FHOD3: variants seen among roughly 807,000 people sequenced by gnomAD.
FHOD3 encodes FH1/FH2 domain-containing protein 3.
FHOD3 carries 90 observed loss-of-function variants against 173.0 expected under a neutral mutation model. The ratio of observed to expected loss-of-function variants is 0.52; its 90% CI spans 0.44 to 0.62. The LOEUF is 0.62. Among genes scored for constraint, FHOD3 ranks in the 20% least tolerant of loss-of-function variants. FHOD3 has a pLI of 0.00. For missense variants in FHOD3, 1,945 were observed against 2,034.7 expected (o/e 0.96, Z 0.85); for synonymous variants, 828 against 823.0 (o/e 1.01, Z -0.10).
At chr18:36,501,262 C>T (rs191042035) in intron 3 of FHOD3, among the ~76,000 whole-genome samples, 310 of 152,310 alleles carry the variant, frequency 2.0e-3, no homozygotes, top group Admixed American at 5.6e-3. Flanking sequence ...AGTGAGAAAA[C>T]AGGCCCAGGC....
intron 1 of FHOD3, among the ~76,000 whole-genome samples, chr18:36,340,358 G>A (rs543156947): frequency 2.8e-4 from 43 of 152,276 alleles, no homozygotes; most frequent in African/African-American, 7.5e-4. Context: ...CTTGGGACCC[G>A]CTGTGTGCTC....
In FHOD3 at chr18:36,625,740, T is replaced by G. The variant is rs772327566; in HGVS notation, c.1187T>G (p.Leu396Arg). The G allele has an allele frequency of 9.3e-6, 15 of 1,607,002 alleles. No homozygotes were observed. Among genetic ancestry groups the G allele is most frequent in the Non-Finnish European group, 1.2e-5 (14 of 1,175,750 alleles). Residue 396 changes from leucine to arginine, a missense_variant, in exon 10 of 29, where the codon CTG becomes CGG. Leu to Arg is a moderately radical substitution (Grantham distance 102). This residue lies in a region of FHOD3 where 1,099 missense variants were observed against 1,051.2 expected (regional missense o/e 1.05). Coordinates refer to ENST00000590592, the MANE Select transcript of FHOD3 (RefSeq NM_001281740.3). ...TTCAAGCCCAACCAAGTGCGAGATC[T>G]GCGTGAAAAGTAAGCATTAACTTGG... is the stretch of plus-strand genomic sequence containing the variant. Reference protein sequence around the residue: ...PSFKPNQVRDLREKEEEEEEE... With the variant: ...PSFKPNQVRDRREKEEEEEEE...
chr18:36,546,864 T>G (rs2057429975), intron 5 of FHOD3, among the ~76,000 whole-genome samples: 1 of 152,214 alleles, frequency 6.6e-6, no homozygotes, highest in Non-Finnish European at 1.5e-5. Flanking sequence ...GTCTCCTATG[T>G]TGACTCCCTC....
At chr18:36,303,363 G>A (rs2092005424) in intron 1 of FHOD3, among the ~76,000 whole-genome samples, 1 of 152,118 alleles carries the variant, frequency 6.6e-6, no homozygotes, top group Non-Finnish European at 1.5e-5. Flanking sequence ...ATGGGGGTGG[G>A]GTAGGGTTGA....
At chr18:36,673,198 T>C (rs2037644016) in intron 14 of FHOD3, among the ~76,000 whole-genome samples, 1 of 152,156 alleles carries the variant, frequency 6.6e-6, no homozygotes, top group African/African-American at 2.4e-5. Flanking sequence ...CTACCTAAGA[T>C]GGAGATTGGG....
chr18:36,557,692 A>G (rs1466500814), intron 5 of FHOD3, among the ~76,000 whole-genome samples: 2 of 152,116 alleles, frequency 1.3e-5, no homozygotes, highest in African/African-American at 2.4e-5. Context: ...TACTTATTGC[A>G]TGCTGATATT....
At chr18:36,768,084 T>C (rs1373706332) in intron 27 of FHOD3, among the ~76,000 whole-genome samples, 4 of 152,344 alleles carry the variant, frequency 2.6e-5, no homozygotes, top group Non-Finnish European at 4.4e-5. Flanking sequence ...TTGTGTGCCA[T>C]AGGCAATGAT....
At chr18:36,590,470 A>T (rs1484247843) in intron 6 of FHOD3, among the ~76,000 whole-genome samples, 1 of 152,186 alleles carries the variant, frequency 6.6e-6, no homozygotes, top group African/African-American at 2.4e-5. Flanking sequence ...ATCCTGCAGG[A>T]CATATTTTGA....
At chr18:36,642,421 C>T (rs2035379645) in intron 10 of FHOD3, among the ~76,000 whole-genome samples, 1 of 151,734 alleles carries the variant, frequency 6.6e-6, no homozygotes, top group South Asian at 2.1e-4. Context: ...AGATCGAGAC[C>T]ATCCTGGCTA....
intron 25 of FHOD3, among the ~76,000 whole-genome samples, chr18:36,757,294 A>T (rs2042670612): frequency 6.6e-6 from 1 of 152,174 alleles, no homozygotes; most frequent in Admixed American, 6.5e-5. Flanking sequence ...GGCATCATTC[A>T]TGTAGAAGGA....
At chr18:36,532,997 C>A (rs1267515168) in intron 5 of FHOD3, among the ~76,000 whole-genome samples, 1 of 152,188 alleles carries the variant, frequency 6.6e-6, no homozygotes. Context: ...CCTGGGCTTC[C>A]CACAGTGGGA....
intron 11 of FHOD3, 45 bp from the exon 12 acceptor site, chr18:36,652,525 C>A (rs1007884577): frequency 4.8e-5 from 72 of 1,490,734 alleles, no homozygotes; most frequent in Non-Finnish European, 5.9e-5. Flanking sequence ...CCTTCTCTCC[C>A]AAATCTTTTT....
At chr18:36,477,201 T>G (rs554922057) in intron 3 of FHOD3, among the ~76,000 whole-genome samples, 1 of 151,984 alleles carries the variant, frequency 6.6e-6, no homozygotes, top group South Asian at 2.1e-4. Context: ...ACCTGTCTCC[T>G]TAGTTGGGGC....
chr18:36,758,809 C>G lies in FHOD3; in HGVS notation c.4426-309C>G, dbSNP rs9304163. Among the ~76,000 whole-genome samples the G allele has an allele frequency of 0.064, 9,737 of 152,214 alleles. 1,034 individuals are homozygous for G. Among genetic ancestry groups the G allele is most frequent in the African/African-American group, 0.22 (9,240 of 41,490 alleles). The stretch of plus-strand genomic sequence containing the variant: ...CAGCACGATGCACAGCTGCGAGTGA[C>G]GTTGGTGGTGGTCAGGGAATCGAGT... On this transcript the variant is annotated intron_variant, in intron 25 of 28. Coordinates refer to ENST00000590592, the MANE Select transcript of FHOD3 (RefSeq NM_001281740.3).
intron 3 of FHOD3, among the ~76,000 whole-genome samples, chr18:36,476,198 C>T (rs2053566143): frequency 6.6e-6 from 1 of 152,192 alleles, no homozygotes; most frequent in South Asian, 2.1e-4. Flanking sequence ...GCCTGGCCTC[C>T]CATGGCATAT....
At chr18:36,491,847 A>G (rs958197878) in intron 3 of FHOD3, among the ~76,000 whole-genome samples, 2 of 152,168 alleles carry the variant, frequency 1.3e-5, no homozygotes, top group African/African-American at 4.8e-5. Flanking sequence ...ACTCCATTGT[A>G]TGGATGTTAC....
chr18:36,661,271 T>C (rs2036779480), intron 14 of FHOD3, among the ~76,000 whole-genome samples: 1 of 152,224 alleles, frequency 6.6e-6, no homozygotes, highest in East Asian at 1.9e-4. Context: ...CTGAATTCTT[T>C]GGATATCACC....
At chr18:36,636,763 G>A (rs964024956) in intron 10 of FHOD3, among the ~76,000 whole-genome samples, 5 of 151,920 alleles carry the variant, frequency 3.3e-5, no homozygotes, top group Admixed American at 6.6e-5. Flanking sequence ...GGCCTGTGGG[G>A]TGCAGGTATT....
chr18:36,761,122 A>G (rs1179019202), intron 27 of FHOD3, among the ~76,000 whole-genome samples: 1 of 152,000 alleles, frequency 6.6e-6, no homozygotes, highest in Admixed American at 6.5e-5. Context: ...ACACAGCCAT[A>G]TTTACTCATT....
Sources: allele counts gnomAD v4.1 joint callset (sites outside exome capture counted in the v4.1 genomes callset), GRCh38; gene constraint gnomAD v4.1.1; regional missense constraint gnomAD v4.1.1; transcripts MANE v1.5; gene names NCBI Gene and HGNC (gene_info 2026-07-23, HGNC 2026-07-21).